SUMF1: variants seen among roughly 807,000 people sequenced by gnomAD.
The protein encoded by SUMF1 is sulfatase modifying factor 1.
A neutral mutation model predicts 47.6 loss-of-function variants in SUMF1; 48 were observed. The ratio of observed to expected loss-of-function variants is 1.01; its 90% CI spans 0.80 to 1.28. The LOEUF (loss-of-function observed/expected upper bound fraction) is 1.28, where lower values mean the gene tolerates loss of function less well. SUMF1 is among the 50% of genes most tolerant of loss of function. The pLI, the probability that SUMF1 is intolerant of heterozygous loss-of-function variation, is 0.00. For missense variants in SUMF1, 571 were observed against 485.4 expected (o/e 1.18, Z -1.66); for synonymous variants, 230 against 192.1 (o/e 1.20, Z -1.63).
At chr3:4,389,796 C>A (rs1444188350) in intron 7 of SUMF1, among the ~76,000 whole-genome samples, 1 of 152,262 alleles carries the variant, frequency 6.6e-6, no homozygotes, top group East Asian at 1.9e-4. Flanking sequence ...ATTTTCAGTT[C>A]TAAAATTTGC....
chr3:4,145,146 T>C (rs77753726), intron 8 of SUMF1, among the ~76,000 whole-genome samples: 2,988 of 139,598 alleles, frequency 0.021, 103 homozygotes, highest in African/African-American at 0.075. Context: ...TGAGCGGCCA[T>C]CGCGCCACTG....
At chr3:4,146,050 G>C (rs1259776886) in intron 8 of SUMF1, among the ~76,000 whole-genome samples, 1 of 152,104 alleles carries the variant, frequency 6.6e-6, no homozygotes, top group East Asian at 1.9e-4. Flanking sequence ...TATTCCAGCA[G>C]GCAAGTACTT....
At chr3:4,437,090 G>A (rs1178511686) in intron 3 of SUMF1, among the ~76,000 whole-genome samples, 1 of 152,270 alleles carries the variant, frequency 6.6e-6, no homozygotes, top group East Asian at 1.9e-4. Flanking sequence ...AGGCAGAAGA[G>A]AAATTGATCT....
Position 4,407,085 on chromosome 3 carries a change from GACACAC to G in SUMF1, c.954+3774_954+3779del, listed in dbSNP as rs113556805. ...GCACCTCCACAGGACACACACATGGGACACACACACACACACACACACACACACGTT... is the reference window on the plus strand; with the variant it reads ...GCACCTCCACAGGACACACACATGGGACACACACACACACACACACACGTT... On this transcript the variant is annotated intron_variant, in intron 7 of 8. Transcript: ENST00000272902. Among the ~76,000 whole-genome samples, 414 of 148,640 alleles carry G rather than the reference GACACAC, an allele frequency of 2.8e-3. 3 individuals carry two copies. Among genetic ancestry groups the G allele is most frequent in the South Asian group, 5.8e-3 (27 of 4,664 alleles).
intron 8 of SUMF1, among the ~76,000 whole-genome samples, chr3:4,201,440 C>A (rs1695538085): frequency 6.6e-6 from 1 of 152,014 alleles, no homozygotes; most frequent in Admixed American, 6.6e-5. Flanking sequence ...ATTATGTCCT[C>A]CACTTCCACC....
At chr3:4,308,189 G>A (rs899884191) in intron 8 of SUMF1, among the ~76,000 whole-genome samples, 1 of 152,214 alleles carries the variant, frequency 6.6e-6, no homozygotes, top group Non-Finnish European at 1.5e-5. Flanking sequence ...AAGTAATGGA[G>A]GAAAGGTATA....
intron 3 of SUMF1, among the ~76,000 whole-genome samples, chr3:4,429,623 GT>G: frequency 6.6e-6 from 1 of 152,286 alleles, no homozygotes; most frequent in Non-Finnish European, 1.5e-5. Flanking sequence ...AGGGGCTCTT[GT>G]TGCAAAGGCA....
At chr3:4,172,635 A>G (rs778039937) in intron 8 of SUMF1, among the ~76,000 whole-genome samples, 1 of 152,180 alleles carries the variant, frequency 6.6e-6, no homozygotes, top group African/African-American at 2.4e-5. Context: ...TTGGCTGCAG[A>G]AATGTCTTCT....
chr3:4,288,037 C>T (rs574778108), intron 8 of SUMF1, among the ~76,000 whole-genome samples: 1 of 151,844 alleles, frequency 6.6e-6, no homozygotes, highest in South Asian at 2.1e-4. Flanking sequence ...AAGATGATCC[C>T]ATGCAAAGGC....
downstream of SUMF1, among the ~76,000 whole-genome samples, chr3:4,359,514 C>T (rs909161759): frequency 5.9e-5 from 9 of 152,114 alleles, no homozygotes; most frequent in African/African-American, 2.2e-4. Flanking sequence ...GTTCACACTG[C>T]TATGAAGGAA....
chr3:4,224,461 G>A (rs1039546103), intron 8 of SUMF1, among the ~76,000 whole-genome samples: 3 of 151,974 alleles, frequency 2.0e-5, no homozygotes, highest in African/African-American at 7.2e-5. Context: ...ACCCTGCCAT[G>A]TGCACCATTA....
chr3:4,182,877 TG>T (rs1217026459), intron 8 of SUMF1, among the ~76,000 whole-genome samples: 2 of 152,110 alleles, frequency 1.3e-5, no homozygotes, highest in African/African-American at 4.8e-5. Context: ...ATTTTACCTA[TG>T]GGGAAAGAGG....
chr3:4,258,774 A>T (rs1389804124), intron 8 of SUMF1, among the ~76,000 whole-genome samples: 1 of 140,264 alleles, frequency 7.1e-6, no homozygotes, highest in Non-Finnish European at 1.6e-5. Flanking sequence ...TATATACCCA[A>T]AGGACTATAA....
chr3:4,190,699 A>G (rs1249698988), intron 8 of SUMF1, among the ~76,000 whole-genome samples: 1 of 152,158 alleles, frequency 6.6e-6, no homozygotes, highest in East Asian at 1.9e-4. Flanking sequence ...ATCATAGAGG[A>G]CAAATTTAAT....
chr3:4,276,853 A>T (rs1324302402), intron 8 of SUMF1, among the ~76,000 whole-genome samples: 1 of 152,156 alleles, frequency 6.6e-6, no homozygotes, highest in East Asian at 1.9e-4. Flanking sequence ...TAATTTTGTA[A>T]AATACAGCAA....
At chr3:4,145,256 A>C (rs1005188041) in intron 8 of SUMF1, among the ~76,000 whole-genome samples, 2 of 151,674 alleles carry the variant, frequency 1.3e-5, no homozygotes, top group Non-Finnish European at 2.9e-5. Flanking sequence ...AATCCTTCAG[A>C]CATCTCCGTT....
intron 8 of SUMF1, among the ~76,000 whole-genome samples, chr3:4,207,281 C>G (rs1334659734): frequency 1.3e-5 from 2 of 152,108 alleles, no homozygotes; most frequent in Non-Finnish European, 2.9e-5. Context: ...TGAATAAAGA[C>G]AATTTTACTT....
chr3:4,366,049 C>G (rs1213089473), intron 8 of SUMF1, among the ~76,000 whole-genome samples: 1 of 151,892 alleles, frequency 6.6e-6, no homozygotes, highest in East Asian at 1.9e-4. Context: ...TTGGCCCCCA[C>G]TCTCTTCTGG....
At chr3:4,354,692 C>T (rs1699580183) in intron 8 of SUMF1, among the ~76,000 whole-genome samples, 1 of 152,080 alleles carries the variant, frequency 6.6e-6, no homozygotes, top group Non-Finnish European at 1.5e-5. Flanking sequence ...TTTGTTCTTT[C>T]TTACTCTTAG....
Sources: gnomAD v4.1 joint callset for allele counts (sites outside exome capture counted in the v4.1 genomes callset) on GRCh38, gnomAD v4.1.1 for gene constraint, MANE v1.5 for transcripts, NCBI Gene and HGNC (gene_info 2026-07-23, HGNC 2026-07-21) for gene names.